The following MOB4 variants were observed in gnomAD, a reference collection of about 807,000 sequenced individuals.
The protein encoded by MOB4 is MOB family member 4, phocein.
Under a neutral mutation model 32.2 loss-of-function variants are expected in MOB4, and 4 were observed. The observed-to-expected ratio is 0.12, with a 90% CI of 0.06 to 0.28. MOB4 has a LOEUF of 0.28. MOB4 is among the 10% of genes least tolerant of loss of function. The pLI is 1.00. For synonymous variants in MOB4, 88 were observed against 88.1 expected, an observed-to-expected ratio of 1.00 and a Z score of 0.01; for missense variants, 158 against 271.2, an observed-to-expected ratio of 0.58 and a Z score of 2.93.
intron 2 of MOB4, among the ~76,000 whole-genome samples, chr2:197,532,639 T>A (rs1057123225): frequency 6.6e-6 from 1 of 151,978 alleles, no homozygotes; most frequent in Non-Finnish European, 1.5e-5. Context: ...TGAGCCGAGA[T>A]AGCGCCACTG....
At chr2:197,521,638 T>C (rs1312183748) in intron 1 of MOB4, among the ~76,000 whole-genome samples, 1 of 152,208 alleles carries the variant, frequency 6.6e-6, no homozygotes, top group Non-Finnish European at 1.5e-5. Context: ...GGGCCGTCTA[T>C]AGACCCACCC....
chr2:197,546,955 A>G (rs1043942023), intron 5 of MOB4, among the ~76,000 whole-genome samples: 10 of 152,146 alleles, frequency 6.6e-5, no homozygotes, highest in Non-Finnish European at 1.5e-4. Flanking sequence ...TATTCAGAAA[A>G]TCATAAGGGG....
At chr2:197,521,249 T>C (rs1266298262) in intron 1 of MOB4, among the ~76,000 whole-genome samples, 5 of 152,102 alleles carry the variant, frequency 3.3e-5, no homozygotes, top group Non-Finnish European at 7.4e-5. Context: ...CACATGTCGG[T>C]GGGTACCGTG....
At chr2:197,522,219 T>A (rs924718315) in intron 1 of MOB4, among the ~76,000 whole-genome samples, 7 of 152,240 alleles carry the variant, frequency 4.6e-5, no homozygotes, top group African/African-American at 7.2e-5. Context: ...TAGTTTTTTT[T>A]AAATGTACAA....
intron 3 of MOB4, among the ~76,000 whole-genome samples, chr2:197,538,433 G>A (rs2086841176): frequency 6.8e-6 from 1 of 147,290 alleles, no homozygotes. Flanking sequence ...ATTTGAGGCT[G>A]TATACTTGCC....
chr2:197,528,464 A>C (rs1280498962), intron 2 of MOB4, among the ~76,000 whole-genome samples: 1 of 152,162 alleles, frequency 6.6e-6, no homozygotes, highest in Admixed American at 6.6e-5. Context: ...TATACATTGA[A>C]AACCCCATCG....
chr2:197,532,918 G>A (rs899655967), intron 2 of MOB4, among the ~76,000 whole-genome samples: 1 of 152,096 alleles, frequency 6.6e-6, no homozygotes, highest in African/African-American at 2.4e-5. Context: ...GACCAACATG[G>A]TGAAACACCA....
chr2:197,531,148 C>T (rs1438297507), intron 2 of MOB4, among the ~76,000 whole-genome samples: 3 of 150,502 alleles, frequency 2.0e-5, no homozygotes, highest in Non-Finnish European at 4.4e-5. Context: ...CCCAGGTTCA[C>T]GCTACTCTCC....
At chr2:197,545,632 C>T (rs368355087) in intron 5 of MOB4, among the ~76,000 whole-genome samples, 1 of 152,170 alleles carries the variant, frequency 6.6e-6, no homozygotes, top group East Asian at 1.9e-4. Flanking sequence ...CTGATTCATA[C>T]TACACCATGG....
chr2:197,550,544 T>C lies in MOB4; in HGVS notation c.576T>C (p.Thr192=). Residue 192 remains threonine (T), a synonymous_variant, in exon 8 of 8, where the codon ACT becomes ACC. Transcript: ENST00000323303. ...ENETFLCHRF[T]KFVMKYNLMS... ...AAACATTTTTGTGTCATCGGTTTAC[T>C]AAGTTTGTGATGAAATACAATTTGA... 6.2e-7 allele frequency: 1 copy of C among 1,606,518 alleles called. No homozygotes were observed. The highest frequency in any genetic ancestry group is 8.5e-7 in the Non-Finnish European group (1 of 1,177,744).
chr2:197,530,072 C>G (rs1041082030), intron 2 of MOB4, among the ~76,000 whole-genome samples: 1 of 150,936 alleles, frequency 6.6e-6, no homozygotes, highest in Admixed American at 6.6e-5. Context: ...TGGGTTCAAG[C>G]GATTCTCCTC....
chr2:197,547,941 T>C (rs1458195172), intron 5 of MOB4, among the ~76,000 whole-genome samples: 1 of 152,162 alleles, frequency 6.6e-6, no homozygotes, highest in Non-Finnish European at 1.5e-5. Context: ...AAAGGTGATC[T>C]GGGAGAAAGT....
intron 1 of MOB4, among the ~76,000 whole-genome samples, chr2:197,520,022 T>A (rs1395817345): frequency 6.6e-6 from 1 of 152,176 alleles, no homozygotes; most frequent in African/African-American, 2.4e-5. Flanking sequence ...TTTAAGACAC[T>A]TAAAAAGGTG....
chr2:197,537,894 C>T (rs1195705774), intron 3 of MOB4, among the ~76,000 whole-genome samples: 1 of 152,126 alleles, frequency 6.6e-6, no homozygotes, highest in Non-Finnish European at 1.5e-5. Context: ...ATTCTCCTGC[C>T]TCAGCCTCCC....
chr2:197,518,055 C>T (rs1387865114), intron 1 of MOB4, among the ~76,000 whole-genome samples: 1 of 151,656 alleles, frequency 6.6e-6, no homozygotes, highest in Admixed American at 6.6e-5. Flanking sequence ...GCAGGAGAAT[C>T]GCTTGAACCC....
rs184356813 is a variant in MOB4 at position 197,536,210 on chromosome 2, C to A, written c.224+580C>A. 7.0e-4 allele frequency among the ~76,000 whole-genome samples: 107 copies of A among 152,166 alleles called. No homozygotes were observed. The Middle Eastern group carries it at 0.048, about 68-fold the overall frequency. ...TTATTCATTTGGGCCTTATTATCCC[C>A]GCCTTTTTTTTGAAACAGGGTCTTG... is the stretch of plus-strand genomic sequence containing the variant. On this transcript the variant is annotated intron_variant, in intron 3 of 7. Coordinates refer to ENST00000323303, the MANE Select transcript of MOB4 (RefSeq NM_015387.5).
At chr2:197,532,290 A>G (rs1256840819) in intron 2 of MOB4, among the ~76,000 whole-genome samples, 1 of 152,148 alleles carries the variant, frequency 6.6e-6, no homozygotes, top group African/African-American at 2.4e-5. Flanking sequence ...AGGATTCTAG[A>G]TTTCTTCAAG....
At position 197,550,406 on chromosome 2, in the gene MOB4, T is replaced by G. The variant is rs1270899309; in HGVS notation, c.546+20T>G. 1.2e-6 allele frequency: 2 copies of G among 1,609,906 alleles called. No individual in the cohort carries two copies. The highest frequency in any genetic ancestry group is 1.7e-6 in the Non-Finnish European group (2 of 1,177,522). ...TATGAAGTAAGTATATTTCACTGAT[T>G]ATCTTGATGCATTCTTATCAGTGTA... is the stretch of plus-strand genomic sequence containing the variant. On this transcript the variant is annotated intron_variant, in intron 7 of 7. Coordinates refer to ENST00000323303, the MANE Select transcript of MOB4 (RefSeq NM_015387.5).
intron 3 of MOB4, among the ~76,000 whole-genome samples, chr2:197,538,459 A>G (rs188819770): frequency 2.0e-5 from 3 of 149,628 alleles, no homozygotes; most frequent in African/African-American, 7.4e-5. Context: ...TAGTTAATGC[A>G]GTTGATTATA....
Sources: gnomAD v4.1 joint callset for allele counts (sites outside exome capture counted in the v4.1 genomes callset) on GRCh38, gnomAD v4.1.1 for gene constraint, MANE v1.5 for transcripts, NCBI Gene and HGNC (gene_info 2026-07-23, HGNC 2026-07-21) for gene names.